Variants in MGAM2 observed in about 807,000 individuals in gnomAD.
MGAM2 encodes probable maltase-glucoamylase 2.
In MGAM2, 98 loss-of-function variants were observed where a neutral mutation model predicts 96.1. The ratio of observed to expected loss-of-function variants is 1.02; its 90% CI spans 0.87 to 1.21. The LOEUF is 1.21. Among genes scored for constraint, MGAM2 ranks in the 50% most tolerant of loss-of-function variants. The pLI is 0.00. For synonymous variants in MGAM2, 749 were observed against 414.8 expected, an observed-to-expected ratio of 1.81 and a Z score of -9.79; for missense variants, 2,055 against 1,182.4, an observed-to-expected ratio of 1.74 and a Z score of -10.82.
At chr7:142,169,384 T>C (rs1175024773) in intron 26 of MGAM2, among the ~76,000 whole-genome samples, 1 of 151,800 alleles carries the variant, frequency 6.6e-6, no homozygotes, top group Non-Finnish European at 1.5e-5. Context: ...ATCGCACCAC[T>C]GCACTCCGAG....
intron 47 of MGAM2, among the ~76,000 whole-genome samples, 200 bp from the exon 48 acceptor site, chr7:142,219,670 A>G (rs1797861107): frequency 6.6e-6 from 1 of 152,206 alleles, no homozygotes; most frequent in Non-Finnish European, 1.5e-5. Flanking sequence ...TTTCCAGCAT[A>G]GGGATTATGC....
intron 35 of MGAM2, among the ~76,000 whole-genome samples, chr7:142,187,370 C>T (rs1307887235): frequency 6.6e-6 from 1 of 152,192 alleles, no homozygotes; most frequent in African/African-American, 2.4e-5. Flanking sequence ...CGTAGTAAAA[C>T]AAGATGGGCT....
chr7:142,136,527 T>C lies in MGAM2; in HGVS notation c.748-14T>C, dbSNP rs1795063736. The C allele has an allele frequency of 1.5e-6, 1 of 663,670 alleles. No individual in the cohort carries two copies. The highest frequency in any genetic ancestry group is 2.7e-6 in the Non-Finnish European group (1 of 369,562). The allele number at this position is 663,670 out of a possible 1,614,324, so 41.1% of individuals were successfully genotyped here. The stretch of plus-strand genomic sequence containing the variant: ...ACACATAACACTATGACTTTTCTTC[T>C]GTTTTGCTGATAGGGCATGATTAAT... On this transcript the variant is annotated splice_polypyrimidine_tract_variant and intron_variant, in intron 7 of 47. Transcript: ENST00000477922.
chr7:142,218,525 T>C lies in MGAM2; in HGVS notation c.5352T>C (p.Tyr1784=), dbSNP rs1797832709. 1 of 696,146 alleles carries C rather than the reference T, an allele frequency of 1.4e-6. No homozygotes were observed. 43.1% of individuals were successfully genotyped at this position (696,146 alleles called of 1,614,324 possible). A position where few individuals can be genotyped will look rare whatever the true frequency, so the allele number is the denominator to read the frequency against. ...AGACAAATTTCAAGAGTGAACCTTATAATCAGGTAGGTCTGAAAGGAATAT... is the reference window on the plus strand; with the variant it reads ...AGACAAATTTCAAGAGTGAACCTTACAATCAGGTAGGTCTGAAAGGAATAT... ...FMETNFKSEP[Y]NQILTIQLTD... is the part of the protein sequence containing the mutation. Residue 1784 remains tyrosine (Y), a synonymous_variant, in exon 47 of 48, where the codon TAT becomes TAC. Transcript: ENST00000477922.
chr7:142,184,075 C>T lies in MGAM2; in HGVS notation c.3924+702C>T, dbSNP rs146362184. Among the ~76,000 whole-genome samples the T allele has an allele frequency of 2.5e-3, 371 of 145,664 alleles. 2 individuals carry two copies. The highest frequency in any genetic ancestry group is 8.5e-3 in the African/African-American group (338 of 39,674). On this transcript the variant is annotated intron_variant, in intron 33 of 47. Transcript: ENST00000477922. Reference sequence around the variant, plus strand: ...GCAACCTCCTCTTCCCAGGTTCAAGCGATTCTCCTGCCTCAGCCTCCTGAG... The same window carrying T: ...GCAACCTCCTCTTCCCAGGTTCAAGTGATTCTCCTGCCTCAGCCTCCTGAG...
chr7:142,146,463 T>G (rs1428804419), intron 14 of MGAM2, among the ~76,000 whole-genome samples: 1 of 152,158 alleles, frequency 6.6e-6, no homozygotes, highest in East Asian at 1.9e-4. Context: ...TCTGTTATAC[T>G]GCGTAGGAAA....
In MGAM2 at chr7:142,157,957, T is replaced by C. The variant is rs1170474509; in HGVS notation, c.1944T>C (p.Phe648=). Residue 648 remains phenylalanine, a synonymous_variant, in exon 18 of 48, where the codon TTT becomes TTC. Transcript: ENST00000477922. ...PGFRDQDPAA[F]GVDSLLLKSS... is the part of the protein sequence containing the mutation. ...CCTAGGACCAGGATCCCGCTGCCTT[T>C]GGTGTTGATTCCCTGCTGCTGAAAT... is the stretch of plus-strand genomic sequence containing the variant. 8.5e-6 allele frequency: 6 copies of C among 702,866 alleles called. No individual in the cohort carries two copies. The allele number at this position is 702,866 out of a possible 1,614,324, so 43.5% of individuals were successfully genotyped here.
At chr7:142,136,341 T>G (rs879557279) in intron 7 of MGAM2, among the ~76,000 whole-genome samples, 200 bp from the exon 8 acceptor site, 6 of 152,240 alleles carry the variant, frequency 3.9e-5, no homozygotes, top group Admixed American at 2.0e-4. Context: ...TTGAATGGAA[T>G]TCTTTTGTAT....
chr7:142,171,527 A>G, intron 28 of MGAM2, 87 bp downstream of exon 28: 1 of 616,010 alleles, frequency 1.6e-6, no homozygotes, highest in East Asian at 2.8e-5. Flanking sequence ...TACCTTGCTC[A>G]TCAACCTCAT....
chr7:142,199,829 CT>C, intron 44 of MGAM2, 50 bp from the exon 45 acceptor site: 1 of 636,426 alleles, frequency 1.6e-6, no homozygotes, highest in South Asian at 1.8e-5. Context: ...GTTCTTTATT[CT>C]TACAACCTAC....
chr7:142,215,433 T>C (rs890062816), intron 46 of MGAM2, among the ~76,000 whole-genome samples: 1 of 151,074 alleles, frequency 6.6e-6, no homozygotes, highest in Non-Finnish European at 1.5e-5. Context: ...GTTCTGCACA[T>C]GTATCCCAGA....
At chr7:142,215,458 TAA>T (rs61628665) in intron 46 of MGAM2, among the ~76,000 whole-genome samples, 5 of 134,908 alleles carry the variant, frequency 3.7e-5, no homozygotes, top group African/African-American at 1.1e-4. Context: ...AAAGTATAAT[TAA>T]AAAAAAAAAA....
rs913700963 is a variant in MGAM2 at position 142,198,095 on chromosome 7, A to G, written c.4867-44A>G. 4.3e-6 allele frequency: 3 copies of G among 695,204 alleles called. No individual in the cohort carries two copies. In the East Asian group the frequency reaches 8.1e-5, roughly 19 times the overall value. The allele number at this position is 695,204 out of a possible 1,614,324, so 43.1% of individuals were successfully genotyped here. On this transcript the variant is annotated intron_variant, in intron 42 of 47. Coordinates refer to ENST00000477922, the MANE Select transcript of MGAM2 (RefSeq NM_001293626.2). ...TGTTTTGAAAATGAAAATGAAAAAT[A>G]TTTTTTGAAATATTCATAATGACAT...
chr7:142,114,118 G>A (rs1278550124), intron 1 of MGAM2, among the ~76,000 whole-genome samples: 1 of 141,628 alleles, frequency 7.1e-6, no homozygotes, highest in South Asian at 2.2e-4. Context: ...GCAACAGAGC[G>A]AGACTCCATC....
At chr7:142,190,947 C>A (rs1261212678) in intron 37 of MGAM2, among the ~76,000 whole-genome samples, 2 of 151,856 alleles carry the variant, frequency 1.3e-5, no homozygotes, top group Non-Finnish European at 1.5e-5. Flanking sequence ...GCAGCTTGGG[C>A]AACATAATGA....
intron 30 of MGAM2, 63 bp from the exon 31 acceptor site, chr7:142,173,166 A>G (rs1355253303): frequency 2.9e-6 from 2 of 696,860 alleles, no homozygotes; most frequent in Non-Finnish European, 2.6e-6. Flanking sequence ...TGATTCAAGT[A>G]TAAGTCAATC....
Position 142,140,929 on chromosome 7 carries a change from T to C in MGAM2, c.1214T>C (p.Ile405Thr). The change falls in exon 11 of 48, where the codon ATT becomes ACT. Residue 405 changes from isoleucine to threonine, a missense_variant. Coordinates refer to ENST00000477922, the MANE Select transcript of MGAM2 (RefSeq NM_001293626.2). ...GACAATGGACAGAAATATCTTATTA[T>C]TATGGTATGTTCAAACACTTGTTAC... ...LHDNGQKYLI[I>T]MNPGISKNSN... 2.8e-6 allele frequency: 2 copies of C among 702,656 alleles called. No individual in the cohort carries two copies. The highest frequency in any genetic ancestry group is 1.5e-5 in the South Asian group (1 of 67,462). 43.5% of individuals were successfully genotyped at this position (702,656 alleles called of 1,614,324 possible).
intron 3 of MGAM2, among the ~76,000 whole-genome samples, chr7:142,122,355 G>A (rs1041227917): frequency 2.6e-5 from 4 of 152,136 alleles, no homozygotes; most frequent in Admixed American, 2.0e-4. Flanking sequence ...TATATACAAT[G>A]CAAATACAAA....
chr7:142,169,716 G>A (rs921015917), intron 26 of MGAM2, among the ~76,000 whole-genome samples: 5 of 150,936 alleles, frequency 3.3e-5, no homozygotes, highest in Non-Finnish European at 7.4e-5. Context: ...TAACATGCAT[G>A]CACACACACA....
Sources: gnomAD v4.1 joint callset for allele counts (sites outside exome capture counted in the v4.1 genomes callset) on GRCh38, gnomAD v4.1.1 for gene constraint, MANE v1.5 for transcripts, NCBI Gene and HGNC (gene_info 2026-07-23, HGNC 2026-07-21) for gene names.